Variants in CNTNAP4 observed in about 807,000 individuals in gnomAD.
The protein encoded by CNTNAP4 is contactin associated protein family member 4.
Under a neutral mutation model 148.4 loss-of-function variants are expected in CNTNAP4, and 98 were observed. That is an observed-to-expected ratio of 0.66 (90% CI 0.56 to 0.78). The LOEUF (loss-of-function observed/expected upper bound fraction) is 0.78, where lower values mean the gene tolerates loss of function less well. CNTNAP4 is among the 30% of genes least tolerant of loss of function. The pLI, the probability that CNTNAP4 is intolerant of heterozygous loss-of-function variation, is 0.00. For missense variants in CNTNAP4, 1,935 were observed against 1,565.6 expected (o/e 1.24, Z -3.98); for synonymous variants, 730 against 565.1 (o/e 1.29, Z -4.14).
At chr16:76,464,816 C>T (rs1020795677) in intron 9 of CNTNAP4, among the ~76,000 whole-genome samples, 1 of 152,126 alleles carries the variant, frequency 6.6e-6, no homozygotes, top group African/African-American at 2.4e-5. Context: ...GCTTTTTTTC[C>T]ACCCTCAAAC....
At chr16:76,314,179 G>A (rs1339361426) in intron 1 of CNTNAP4, among the ~76,000 whole-genome samples, 1 of 152,146 alleles carries the variant, frequency 6.6e-6, no homozygotes, top group African/African-American at 2.4e-5. Context: ...AAATGTATGT[G>A]CATGTGTAAT....
intron 15 of CNTNAP4, among the ~76,000 whole-genome samples, chr16:76,505,045 G>T (rs997649400): frequency 6.6e-6 from 1 of 152,104 alleles, no homozygotes; most frequent in Non-Finnish European, 1.5e-5. Context: ...TACTGCTTTG[G>T]AAAAGAATTT....
intron 9 of CNTNAP4, among the ~76,000 whole-genome samples, chr16:76,462,513 C>A (rs2081015000): frequency 6.6e-6 from 1 of 152,172 alleles, no homozygotes; most frequent in Non-Finnish European, 1.5e-5. Flanking sequence ...TACAGAAGGA[C>A]AATATTATGC....
chr16:76,350,331 A>G (rs556620367), intron 2 of CNTNAP4, among the ~76,000 whole-genome samples: 1 of 152,268 alleles, frequency 6.6e-6, no homozygotes, highest in Non-Finnish European at 1.5e-5. Flanking sequence ...TAGCCTCTGT[A>G]AATACTTTTG....
chr16:76,341,598 A>G (rs1401274478), intron 2 of CNTNAP4, among the ~76,000 whole-genome samples: 1 of 152,236 alleles, frequency 6.6e-6, no homozygotes, highest in Non-Finnish European at 1.5e-5. Flanking sequence ...GACAGGAGGT[A>G]AAACATCCAT....
At chr16:76,524,262 AAGAATGTATG>A (rs551012930) in intron 17 of CNTNAP4, among the ~76,000 whole-genome samples, 1 of 152,318 alleles carries the variant, frequency 6.6e-6, no homozygotes, top group South Asian at 2.1e-4. Flanking sequence ...GAAAATAATA[AAGAATGTATG>A]AGAAGAAATA....
chr16:76,502,224 T>A (rs1389754648), intron 15 of CNTNAP4, among the ~76,000 whole-genome samples: 1 of 152,216 alleles, frequency 6.6e-6, no homozygotes, highest in South Asian at 2.1e-4. Context: ...GGTTATTTTC[T>A]GCATGAAGGA....
At chr16:76,474,219 T>A (rs2081479477) in intron 10 of CNTNAP4, among the ~76,000 whole-genome samples, 1 of 152,204 alleles carries the variant, frequency 6.6e-6, no homozygotes, top group Admixed American at 6.5e-5. Context: ...GCTGTATCTT[T>A]CTTAATGCTT....
At chr16:76,323,547 C>T (rs993505079) in intron 2 of CNTNAP4, among the ~76,000 whole-genome samples, 3 of 152,100 alleles carry the variant, frequency 2.0e-5, no homozygotes, top group Admixed American at 6.5e-5. Flanking sequence ...GGAGAGTTTG[C>T]TACCACTTCT....
intron 10 of CNTNAP4, among the ~76,000 whole-genome samples, chr16:76,473,002 G>T (rs568850092): frequency 6.6e-6 from 1 of 152,266 alleles, no homozygotes; most frequent in South Asian, 2.1e-4. Context: ...CGTGAGGGGG[G>T]CAGAGGGGGG....
At chr16:76,389,222 A>G (rs2016753244) in intron 3 of CNTNAP4, among the ~76,000 whole-genome samples, 1 of 152,202 alleles carries the variant, frequency 6.6e-6, no homozygotes, top group Non-Finnish European at 1.5e-5. Context: ...CAGGCAATGC[A>G]AATGGTTCCA....
At chr16:76,443,579 A>C (rs1392406006) in intron 4 of CNTNAP4, among the ~76,000 whole-genome samples, 10 of 152,052 alleles carry the variant, frequency 6.6e-5, no homozygotes, top group Non-Finnish European at 1.5e-4. Context: ...TGACAGAGGG[A>C]GACCCTGTCC....
At position 76,502,523 on chromosome 16, in the gene CNTNAP4, A is replaced by G. The variant is rs529274488; in HGVS notation, c.2365+3829A>G. On this transcript the variant is annotated intron_variant, in intron 15 of 23. Coordinates refer to ENST00000611870, the MANE Select transcript of CNTNAP4 (RefSeq NM_033401.5). ...AGGACTACACATTGAATAATTTAAG[A>G]CTGAGAAATAACTTAATTCTCATGA... 8.2e-4 allele frequency among the ~76,000 whole-genome samples: 125 copies of G among 152,252 alleles called. 1 individual carries two copies. Among genetic ancestry groups the G allele is most frequent in the African/African-American group, 2.9e-3 (120 of 41,540 alleles).
chr16:76,491,790 C>G lies in CNTNAP4; in HGVS notation c.2080+1907C>G, dbSNP rs553701572. Among the ~76,000 whole-genome samples the G allele has an allele frequency of 5.3e-5, 8 of 152,224 alleles. No individual in the cohort carries two copies. The South Asian group carries it at 1.7e-3, about 32-fold the overall frequency. On this transcript the variant is annotated intron_variant, in intron 13 of 23. Coordinates refer to ENST00000611870, the MANE Select transcript of CNTNAP4 (RefSeq NM_033401.5). ...TTATTCTGTTTAGTATAATGCCCTT[C>G]ATGTTCATCCATGTTGTCACAAATG...
chr16:76,363,939 T>G (rs770419719), intron 3 of CNTNAP4, among the ~76,000 whole-genome samples: 1 of 151,978 alleles, frequency 6.6e-6, no homozygotes, highest in Admixed American at 6.6e-5. Context: ...TATTGGAGCT[T>G]TACCTTAATA....
chr16:76,301,382 T>G (rs562697684), intron 1 of CNTNAP4, among the ~76,000 whole-genome samples: 8 of 152,188 alleles, frequency 5.3e-5, no homozygotes, highest in Non-Finnish European at 1.2e-4. Flanking sequence ...AGGCCAAAAG[T>G]GGTTCATGGT....
Position 76,317,289 on chromosome 16 carries a change from A to T in CNTNAP4, c.196+766A>T, listed in dbSNP as rs1347764579. ...ACAAAAAAAAAAACCAAAAAAAAAAAAACCCAAAAAACCCCCCAAAAAAAA... is the reference window on the plus strand; with the variant it reads ...ACAAAAAAAAAAACCAAAAAAAAAATAACCCAAAAAACCCCCCAAAAAAAA... On this transcript the variant is annotated intron_variant, in intron 2 of 23. Coordinates refer to ENST00000611870, the MANE Select transcript of CNTNAP4 (RefSeq NM_033401.5). Among the ~76,000 whole-genome samples, 653 of 81,680 alleles carry T rather than the reference A, an allele frequency of 8.0e-3. 4 individuals are homozygous for T. Among genetic ancestry groups the T allele is most frequent in the African/African-American group, 0.022 (588 of 27,196 alleles). 53.6% of individuals were successfully genotyped at this position (81,680 alleles called of 152,430 possible).
intron 2 of CNTNAP4, among the ~76,000 whole-genome samples, chr16:76,335,298 A>G (rs1388137572): frequency 6.6e-6 from 1 of 152,162 alleles, no homozygotes; most frequent in East Asian, 1.9e-4. Flanking sequence ...TGATGTAGAA[A>G]TAGACACAAT....
intron 21 of CNTNAP4, among the ~76,000 whole-genome samples, chr16:76,546,646 C>A (rs980976774): frequency 6.6e-6 from 1 of 152,148 alleles, no homozygotes; most frequent in Non-Finnish European, 1.5e-5. Context: ...AGAAAGTGCA[C>A]AATAAATGTA....
Sources: gnomAD v4.1 joint callset for allele counts (sites outside exome capture counted in the v4.1 genomes callset) on GRCh38, gnomAD v4.1.1 for gene constraint, MANE v1.5 for transcripts, NCBI Gene and HGNC (gene_info 2026-07-23, HGNC 2026-07-21) for gene names.